REX1BD: variants seen among roughly 807,000 people sequenced by gnomAD.
The protein encoded by REX1BD is required for excision 1-B domain-containing protein.
Under a neutral mutation model 24.4 loss-of-function variants are expected in REX1BD, and 22 were observed. The ratio of observed to expected loss-of-function variants is 0.90; its 90% CI spans 0.64 to 1.29. The LOEUF (loss-of-function observed/expected upper bound fraction) is 1.29, where lower values mean the gene tolerates loss of function less well. Among genes scored for constraint, REX1BD ranks in the 50% most tolerant of loss-of-function variants. The pLI is 0.00. For missense variants in REX1BD, 293 were observed against 285.3 expected, an observed-to-expected ratio of 1.03 and a Z score of -0.19; for synonymous variants, 146 against 125.9, an observed-to-expected ratio of 1.16 and a Z score of -1.07.
chr19:18,590,083 T>C (rs1976006241), intron 3 of REX1BD: 1 of 203,914 alleles, frequency 4.9e-6, no homozygotes, highest in African/African-American at 2.3e-5. Context: ...CCATCACAGC[T>C]TTAGTTCTTT....
chr19:18,590,832 G>A (rs777865113), intron 3 of REX1BD, 22 bp from the exon 4 acceptor site: 4 of 1,594,060 alleles, frequency 2.5e-6, no homozygotes, highest in South Asian at 1.1e-5. Flanking sequence ...GACATCCTTC[G>A]TGTTGCTCAT....
At chr19:18,591,998 C>A (rs533360685) in intron 4 of REX1BD, 110 bp from the exon 5 acceptor site, 2 of 1,257,238 alleles carry the variant, frequency 1.6e-6, no homozygotes, top group Non-Finnish European at 2.3e-6. Flanking sequence ...GGTTTGGCGG[C>A]GGGCAGGAGG....
At chr19:18,590,318 T>C (rs1013481148) in intron 3 of REX1BD, 1 of 146,522 alleles carries the variant, frequency 6.8e-6, no homozygotes, top group Non-Finnish European at 1.5e-5. Flanking sequence ...AACCTCCGCC[T>C]CCCAGATTCA....
chr19:18,591,498 G>A (rs1309149150), intron 4 of REX1BD: 1 of 154,002 alleles, frequency 6.5e-6, no homozygotes, highest in Non-Finnish European at 1.4e-5. Flanking sequence ...TATTTTAGTA[G>A]AGATGGGTTT....
rs1428924432 is a variant in REX1BD at position 18,588,845 on chromosome 19, C to T, written c.44C>T (p.Pro15Leu). The part of the protein sequence containing the change: ...TAAEPTVPAV[P>L]AAEEATEARG... The stretch of plus-strand genomic sequence containing the variant: ...GCGGAGCCTACGGTCCCTGCAGTGC[C>T]TGCTGCTGAGGAGGCCACCGAAGCT... The change falls in exon 1 of 5, where the codon CCT becomes CTT. Residue 15 changes from proline (P) to leucine (L), a missense_variant. Physicochemically the swap from Pro to Leu is moderately conservative, Grantham distance 98 (BLOSUM62 -3). Transcript: ENST00000358607. The T allele has an allele frequency of 3.3e-6, 5 of 1,533,606 alleles. No individual in the cohort carries two copies. The highest frequency in any genetic ancestry group is 2.7e-5 in the African/African-American group (2 of 72,758). The allele number at this position is 1,533,606 out of a possible 1,614,324, so 95.0% of individuals were successfully genotyped here.
chr19:18,588,914 C>G lies in REX1BD; in HGVS notation c.99+14C>G, dbSNP rs1248260171. 1.0e-5 allele frequency: 16 copies of G among 1,527,586 alleles called. No homozygotes were observed. Among genetic ancestry groups the G allele is most frequent in the Non-Finnish European group, 4.4e-6 (5 of 1,143,812 alleles). 94.6% of individuals were successfully genotyped at this position (1,527,586 alleles called of 1,614,324 possible). On this transcript the variant is annotated intron_variant, in intron 1 of 4. Transcript: ENST00000358607. ...GCGTGGCCCTGGGTGAGCCCAGGCC[C>G]AAGCGGGAACGGGCGCGGGGCGGGC...
chr19:18,591,098 A>G (rs975198028), intron 4 of REX1BD, 165 bp downstream of exon 4: 35 of 610,194 alleles, frequency 5.7e-5, no homozygotes, highest in Non-Finnish European at 8.2e-5. Context: ...GAAACTTCAC[A>G]TCAGTTTCGC....
At position 18,592,112 on chromosome 19, in the gene REX1BD, A is replaced by G. The variant is rs985799927; in HGVS notation, c.538A>G (p.Ile180Val). ...VRMQQLKMKVIKTMEAISEVL... is the reference protein window; with the variant it reads ...VRMQQLKMKVVKTMEAISEVL... ...AGTTCCCATCCGCTCTTGTAGGGTA[A>G]TTAAAACCATGGAGGCGATCAGCGA... is the stretch of plus-strand genomic sequence containing the variant. Residue 180 changes from isoleucine to valine, a missense_variant, in exon 5 of 5, where the codon ATT becomes GTT. Transcript: ENST00000358607. The G allele has an allele frequency of 2.5e-6, 4 of 1,613,912 alleles. No homozygotes were observed. The highest frequency in any genetic ancestry group is 3.4e-6 in the Non-Finnish European group (4 of 1,180,014).
rs1408676983 is a variant in REX1BD at position 18,592,185 on chromosome 19, G to A, written c.*5G>A. On this transcript the variant is annotated 3_prime_UTR_variant, in exon 5 of 5. Coordinates refer to ENST00000358607, the MANE Select transcript of REX1BD (RefSeq NM_001100418.2). ...GATGCGGAATCTGCCGAGTGATGGC[G>A]GCTCCCCAGGGATGCGCCGAGGGAG... 1.9e-6 allele frequency: 3 copies of A among 1,613,992 alleles called. No individual in the cohort carries two copies. Among genetic ancestry groups the A allele is most frequent in the South Asian group, 2.2e-5 (2 of 91,086 alleles).
rs1975997017 is a variant in REX1BD at position 18,589,657 on chromosome 19, G to A, written c.427G>A (p.Glu143Lys). Residue 143 changes from glutamate (E) to lysine (K), a missense_variant, in exon 3 of 5, where the codon GAG becomes AAG. Physicochemically the swap from Glu to Lys is moderately conservative, Grantham distance 56. Transcript: ENST00000358607. ...CGCCGGCCACGTGCGCAGCCTGCAGGAGCTGGAGCAGACGCGGCTGGGCAC... is the reference window on the plus strand; with the variant it reads ...CGCCGGCCACGTGCGCAGCCTGCAGAAGCTGGAGCAGACGCGGCTGGGCAC... ...LLAGHVRSLQ[E>K]LEQTRLGTVA... is the part of the protein sequence containing the mutation. 5 of 1,497,014 alleles carry A rather than the reference G, an allele frequency of 3.3e-6. No individual in the cohort carries two copies. Among genetic ancestry groups the A allele is most frequent in the Non-Finnish European group, 4.4e-6 (5 of 1,131,306 alleles). 92.7% of individuals were successfully genotyped at this position (1,497,014 alleles called of 1,614,324 possible).
chr19:18,592,289 C>A lies in REX1BD; in HGVS notation c.*109C>A. The A allele has an allele frequency of 1.7e-6, 2 of 1,204,460 alleles. No homozygotes were observed. Among genetic ancestry groups the A allele is most frequent in the Non-Finnish European group, 2.4e-6 (2 of 825,284 alleles). The allele number at this position is 1,204,460 out of a possible 1,614,324, so 74.6% of individuals were successfully genotyped here. ...GGTTGCGCCCCACTGCGCTGCTGACCTTCCTGCAGTTCCAGACACCTCCCA... is the reference window on the plus strand; with the variant it reads ...GGTTGCGCCCCACTGCGCTGCTGACATTCCTGCAGTTCCAGACACCTCCCA... On this transcript the variant is annotated 3_prime_UTR_variant, in exon 5 of 5. Coordinates refer to ENST00000358607, the MANE Select transcript of REX1BD (RefSeq NM_001100418.2).
intron 3 of REX1BD, chr19:18,590,263 C>G (rs1312409261): frequency 7.2e-6 from 1 of 139,332 alleles, no homozygotes; most frequent in Non-Finnish European, 1.5e-5. Flanking sequence ...CTCTCTTGCT[C>G]TCTCACCCAG....
chr19:18,591,989 G>A (rs1976051714), intron 4 of REX1BD, 119 bp from the exon 5 acceptor site: 3 of 1,147,284 alleles, frequency 2.6e-6, no homozygotes, highest in Non-Finnish European at 3.8e-6. Flanking sequence ...CTGCCTGGAG[G>A]TTTGGCGGCG....
chr19:18,590,998 C>T (rs1046200533), intron 4 of REX1BD, 65 bp downstream of exon 4: 18 of 1,396,600 alleles, frequency 1.3e-5, no homozygotes, highest in Middle Eastern at 4.5e-4. Context: ...ACGGTCAGGA[C>T]GCTGCCAGCA....
chr19:18,590,375 T>C (rs950856603), intron 3 of REX1BD: 1 of 155,896 alleles, frequency 6.4e-6, no homozygotes, highest in Non-Finnish European at 1.4e-5. Flanking sequence ...ATTACAGGCA[T>C]AATTTTTGTA....
rs780516325 is a variant in REX1BD, at chr19:18,589,420, G to C, written c.190G>C (p.Ala64Pro). The C allele has an allele frequency of 5.8e-6, 9 of 1,559,704 alleles. No individual in the cohort carries two copies. Among genetic ancestry groups the C allele is most frequent in the African/African-American group, 1.4e-5 (1 of 73,584 alleles). ...TTCCTGGGGGCCTTTCAGGTGGTTGGCGCCGGTGCAGGGCCTGAGAGCCTG... is the reference window on the plus strand; with the variant it reads ...TTCCTGGGGGCCTTTCAGGTGGTTGCCGCCGGTGCAGGGCCTGAGAGCCTG... ...QGFRRLEEWL[A>P]PVQGLRAWGR... is the part of the protein sequence containing the mutation. Residue 64 changes from alanine to proline, a missense_variant, in exon 3 of 5, where the codon GCG (alanine) becomes CCG (proline). Coordinates refer to ENST00000358607, the MANE Select transcript of REX1BD (RefSeq NM_001100418.2).
At chr19:18,591,996 G>T in intron 4 of REX1BD, 112 bp from the exon 5 acceptor site, 3 of 1,231,416 alleles carry the variant, frequency 2.4e-6, no homozygotes, top group Non-Finnish European at 2.3e-6. Flanking sequence ...GAGGTTTGGC[G>T]GCGGGCAGGA....
At chr19:18,589,213 G>A (rs921568393) in intron 2 of REX1BD, 136 bp downstream of exon 2, 4 of 1,507,502 alleles carry the variant, frequency 2.7e-6, no homozygotes, top group Non-Finnish European at 8.9e-7. Flanking sequence ...GGGATTTCGG[G>A]GCACCGGGTC....
chr19:18,589,775 C>T (rs1976000367), intron 3 of REX1BD, 92 bp downstream of exon 3: 1 of 1,408,734 alleles, frequency 7.1e-7, no homozygotes, highest in Non-Finnish European at 9.2e-7. Flanking sequence ...TCCCAGTATC[C>T]CATACACAGA....
Sources: allele counts gnomAD v4.1 joint callset, GRCh38; gene constraint gnomAD v4.1.1; transcripts MANE v1.5; gene names NCBI Gene and HGNC (gene_info 2026-07-23, HGNC 2026-07-21).